Variants in ZNF836 observed in about 807,000 individuals in gnomAD.
ZNF836 encodes the protein zinc finger protein 836.
A neutral mutation model predicts 7.4 loss-of-function variants in ZNF836; 12 were observed. The ratio of observed to expected loss-of-function variants is 1.61; its 90% CI spans 1.03 to 2.61. The LOEUF (loss-of-function observed/expected upper bound fraction) is 2.61, where lower values mean the gene tolerates loss of function less well. ZNF836 is among the 30% of genes most tolerant of loss of function. The pLI is 0.00. For missense variants in ZNF836, 998 were observed against 1,126.2 expected (o/e 0.89, Z 1.63); for synonymous variants, 365 against 382.6 (o/e 0.95, Z 0.54).
chr19:52,155,204 T>C lies in ZNF836; in HGVS notation c.2479A>G (p.Met827Val). The C allele has an allele frequency of 6.2e-7, 1 of 1,614,218 alleles. No individual in the cohort carries two copies. The highest frequency in any genetic ancestry group is 8.5e-7 in the Non-Finnish European group (1 of 1,180,022). ...TTGTAAGGTTTGTCCCCAGTATGCA[T>C]TTTCTGATGATTAACCAGAATTGAA... Reference protein sequence around the residue: ...VRSILVNHQKMHTGDKPYKCN... With the variant: ...VRSILVNHQKVHTGDKPYKCN... Residue 827 changes from methionine (M) to valine (V), a missense_variant, in exon 5 of 5, where the codon ATG becomes GTG. By Grantham distance (21) the Met-to-Val change is conservative. Transcript: ENST00000682614.
chr19:52,163,284 A>G (rs2089230064), intron 3 of ZNF836, among the ~76,000 whole-genome samples: 1 of 152,170 alleles, frequency 6.6e-6, no homozygotes, highest in African/African-American at 2.4e-5. Flanking sequence ...TCTCTCCTAA[A>G]TACACTTTTA....
Position 52,162,348 on chromosome 19 carries a change from A to T in ZNF836, c.16-1757T>A, listed in dbSNP as rs570409467. Among the ~76,000 whole-genome samples, 3 of 152,268 alleles carry T rather than the reference A, an allele frequency of 2.0e-5. No individual in the cohort carries two copies. In the South Asian group the frequency reaches 6.2e-4, roughly 32 times the overall value. On this transcript the variant is annotated intron_variant, in intron 3 of 4. Coordinates refer to ENST00000682614, the MANE Select transcript of ZNF836 (RefSeq NM_001102657.3). ...GACTTCCAGGGACAGCCTCACTCCTATGGCATTTTTATGCCTAGGCTCCAA... is the reference window on the plus strand; with the variant it reads ...GACTTCCAGGGACAGCCTCACTCCTTTGGCATTTTTATGCCTAGGCTCCAA...
At chr19:52,166,731 G>A (rs562973373) in intron 3 of ZNF836, among the ~76,000 whole-genome samples, 52 of 151,308 alleles carry the variant, frequency 3.4e-4, no homozygotes, top group East Asian at 7.8e-4. Flanking sequence ...CCGCCACCAC[G>A]CCCAGCTAAT....
chr19:52,156,887 T>C lies in ZNF836; in HGVS notation c.796A>G (p.Ile266Val). ...TATGGCTTCCCCCTTGTATGGACTA[T>C]CTGATGTATAGTTAGTAGTGAGCCC... ...HRGSLLTIHQ[I>V]VHTRGKPYQC... Residue 266 changes from isoleucine (I) to valine (V), a missense_variant, in exon 5 of 5, where the codon ATA becomes GTA. Transcript: ENST00000682614. 3 of 1,614,166 alleles carry C rather than the reference T, an allele frequency of 1.9e-6. No individual in the cohort carries two copies. The highest frequency in any genetic ancestry group is 2.5e-6 in the Non-Finnish European group (3 of 1,180,024).
Position 52,155,368 on chromosome 19 carries a change from T to C in ZNF836, c.2315A>G (p.His772Arg). Residue 772 changes from histidine to arginine, a missense_variant, in exon 5 of 5, where the codon CAC (histidine) becomes CGC (arginine). Coordinates refer to ENST00000682614, the MANE Select transcript of ZNF836 (RefSeq NM_001102657.3). ...ACATTTGTAAGGTTTCTCTCCAGTG[T>C]GAATTCTCCGATGCCTTGCAAGGTT... ...TSNLARHRRI[H>R]TGEKPYKCNE... The C allele has an allele frequency of 6.2e-7, 1 of 1,614,186 alleles. No individual in the cohort carries two copies. The highest frequency in any genetic ancestry group is 8.5e-7 in the Non-Finnish European group (1 of 1,180,038).
chr19:52,160,413 T>C (rs767523466), intron 4 of ZNF836, 52 bp downstream of exon 4: 1 of 1,612,314 alleles, frequency 6.2e-7, no homozygotes, highest in Non-Finnish European at 8.5e-7. Context: ...ACAGAGAAAA[T>C]ACAAAAATAC....
intron 4 of ZNF836, among the ~76,000 whole-genome samples, chr19:52,158,625 C>A (rs1282691672): frequency 6.6e-6 from 1 of 151,948 alleles, no homozygotes; most frequent in Non-Finnish European, 1.5e-5. Flanking sequence ...CACCTGTAAT[C>A]CCAGCTACTT....
rs147140634 is a variant in ZNF836 at position 52,161,713 on chromosome 19, C to A, written c.16-1122G>T. Among the ~76,000 whole-genome samples the A allele has an allele frequency of 7.0e-4, 106 of 151,692 alleles. No individual in the cohort carries two copies. The highest frequency in any genetic ancestry group is 2.5e-3 in the African/African-American group (103 of 41,356). On this transcript the variant is annotated intron_variant, in intron 3 of 4. Coordinates refer to ENST00000682614, the MANE Select transcript of ZNF836 (RefSeq NM_001102657.3). The surrounding 1 kb of genome is among the most constrained non-coding windows in gnomAD (Gnocchi z 4.1). ...CCTGGCCCCCAAAATTGATATACTTCTCACAAACAAAATACATTCTATCCT... is the reference window on the plus strand; with the variant it reads ...CCTGGCCCCCAAAATTGATATACTTATCACAAACAAAATACATTCTATCCT...
In ZNF836 at chr19:52,155,427, ACAT is replaced by A; in HGVS notation, c.2253_2255del (p.Lys751_Cys752delinsAsn). Reference sequence around the variant, plus strand: ...AATTAAAGACCTGGCCACATTCAATACATTTGTATGGCATCTCTCCAGTATGCC... The same window carrying A: ...AATTAAAGACCTGGCCACATTCAATATTGTATGGCATCTCTCCAGTATGCC... On this transcript the variant is annotated inframe_deletion, in exon 5 of 5. Coordinates refer to ENST00000682614, the MANE Select transcript of ZNF836 (RefSeq NM_001102657.3). The A allele has an allele frequency of 6.2e-7, 1 of 1,614,202 alleles. No individual in the cohort carries two copies. Among genetic ancestry groups the A allele is most frequent in the Non-Finnish European group, 8.5e-7 (1 of 1,180,038 alleles).
At chr19:52,159,537 C>A (rs1166737918) in intron 4 of ZNF836, among the ~76,000 whole-genome samples, 1 of 152,134 alleles carries the variant, frequency 6.6e-6, no homozygotes, top group African/African-American at 2.4e-5. Context: ...ATGTGTGTTG[C>A]CAAAACATTA....
chr19:52,157,494 G>C lies in ZNF836; in HGVS notation c.189C>G (p.Asn63Lys), dbSNP rs75960199. 61 of 1,567,126 alleles carry C rather than the reference G, an allele frequency of 3.9e-5. No individual in the cohort carries two copies. In the African/African-American group the frequency reaches 7.7e-4, roughly 20 times the overall value. Residue 63 changes from asparagine to lysine, a missense_variant, in exon 5 of 5, where the codon AAC (asparagine) becomes AAG (lysine). Coordinates refer to ENST00000682614, the MANE Select transcript of ZNF836 (RefSeq NM_001102657.3). ...TTTGGCATTTTTCTCCTGTATTACT[G>C]TTCCCTATTGGTGGTAATTCCTTGG... The part of the protein sequence containing the change: ...CMTKELPPIG[N>K]SNTGEKCQTV...
chr19:52,166,688 T>C (rs7257873), intron 3 of ZNF836, among the ~76,000 whole-genome samples: 118,425 of 150,724 alleles, frequency 0.79, 46,872 homozygotes, highest in African/African-American at 0.83. Flanking sequence ...ATTCTCCTGC[T>C]TCAGCCTCCC....
intron 3 of ZNF836, among the ~76,000 whole-genome samples, chr19:52,164,448 AAAAGGAAG>A (rs1428185811): frequency 1.6e-5 from 2 of 122,430 alleles, no homozygotes; most frequent in African/African-American, 3.2e-5. Context: ...AGAGAGAGAG[AAAAGGAAG>A]GAAGGAAGGA....
At chr19:52,170,188 T>C (rs2089297096) in intron 1 of ZNF836, among the ~76,000 whole-genome samples, 1 of 151,790 alleles carries the variant, frequency 6.6e-6, no homozygotes, top group African/African-American at 2.4e-5. Context: ...TTCCTCCCCT[T>C]TTCTGTTTTT....
In ZNF836 at chr19:52,157,481, C is replaced by G; in HGVS notation, c.202G>C (p.Glu68Gln). 2 of 1,586,162 alleles carry G rather than the reference C, an allele frequency of 1.3e-6. No homozygotes were observed. The highest frequency in any genetic ancestry group is 1.2e-5 in the South Asian group (1 of 84,946). ...LPPIGNSNTGEKCQTVTLERH... is the reference protein window; with the variant it reads ...LPPIGNSNTGQKCQTVTLERH... The stretch of plus-strand genomic sequence containing the variant: ...TCCAGCGTCACTGTTTGGCATTTTT[C>G]TCCTGTATTACTGTTCCCTATTGGT... The change falls in exon 5 of 5, where the codon GAA becomes CAA. Residue 68 changes from glutamate (E) to glutamine (Q), a missense_variant. Glu to Gln is a conservative substitution (Grantham distance 29). Coordinates refer to ENST00000682614, the MANE Select transcript of ZNF836 (RefSeq NM_001102657.3).
At chr19:52,167,190 G>A (rs2089272457) in intron 3 of ZNF836, among the ~76,000 whole-genome samples, 1 of 151,510 alleles carries the variant, frequency 6.6e-6, no homozygotes, top group African/African-American at 2.4e-5. Context: ...ATCAATGATG[G>A]GCCAGGCACG....
rs367579129 is a variant in ZNF836, at chr19:52,154,638, G to A, written c.*234C>T. Reference sequence around the variant, plus strand: ...TCACGCCACTGCATTCCAGCCTGGCGACAGAGAGAGACTCCGTCTCAAAAA... The same window carrying A: ...TCACGCCACTGCATTCCAGCCTGGCAACAGAGAGAGACTCCGTCTCAAAAA... On this transcript the variant is annotated 3_prime_UTR_variant, in exon 5 of 5. Transcript: ENST00000682614. The A allele has an allele frequency of 8.8e-6, 3 of 342,390 alleles. No individual in the cohort carries two copies. The highest frequency in any genetic ancestry group is 4.9e-5 in the East Asian group (1 of 20,346). 21.2% of individuals were successfully genotyped at this position (342,390 alleles called of 1,614,324 possible).
Position 52,157,247 on chromosome 19 carries a change from G to A in ZNF836, c.436C>T (p.Gln146Ter), listed in dbSNP as rs1454340017. Reference sequence around the variant, plus strand: ...TTCTGCAGTTCAGTCAGACGTGACTGAAAGCTTAATGTAAGCTGATTTTCA... The same window carrying A: ...TTCTGCAGTTCAGTCAGACGTGACTAAAAGCTTAATGTAAGCTGATTTTCA... Reference protein sequence around the residue: ...CIENQLTLSFQSRLTELQKFQ... With the variant: ...CIENQLTLSF The change falls in exon 5 of 5, where the codon CAG becomes TAG. Residue 146 changes from glutamine (Q) to a stop codon, truncating the protein, a stop_gained. Coordinates refer to ENST00000682614, the MANE Select transcript of ZNF836 (RefSeq NM_001102657.3). LOFTEE classifies it low-confidence loss of function (END_TRUNC). The A allele has an allele frequency of 5.0e-6, 8 of 1,608,478 alleles. No individual in the cohort carries two copies. The South Asian group carries it at 7.7e-5, about 16-fold the overall frequency.
chr19:52,171,358 G>A lies in ZNF836; in HGVS notation c.-237C>T, dbSNP rs1335275328. 2.0e-5 allele frequency: 3 copies of A among 152,320 alleles called. No individual in the cohort carries two copies. The highest frequency in any genetic ancestry group is 7.2e-5 in the African/African-American group (3 of 41,446). 9.4% of individuals were successfully genotyped at this position (152,320 alleles called of 1,614,324 possible). A position where few individuals can be genotyped will look rare whatever the true frequency, so the allele number is the denominator to read the frequency against. ...TACTTGGGGCGAAGGGGCTGTTGCT[G>A]GTATTTTAAGGTCCGTAGCGATCCC... On this transcript the variant is annotated 5_prime_UTR_variant, in exon 1 of 5. Coordinates refer to ENST00000682614, the MANE Select transcript of ZNF836 (RefSeq NM_001102657.3).
Sources: allele counts gnomAD v4.1 joint callset (sites outside exome capture counted in the v4.1 genomes callset), GRCh38; gene constraint gnomAD v4.1.1; non-coding constraint Gnocchi (gnomAD v3.1); transcripts MANE v1.5; gene names NCBI Gene and HGNC (gene_info 2026-07-23, HGNC 2026-07-21).